Variants in CEP350 observed in about 807,000 individuals in gnomAD.
CEP350 encodes centrosomal protein 350.
Under a neutral mutation model 331.8 loss-of-function variants are expected in CEP350, and 126 were observed. The observed-to-expected ratio is 0.38, with a 90% confidence interval of 0.33 to 0.44. The LOEUF is 0.44. Ranked by LOEUF, CEP350 falls within the 20% of genes least tolerant of loss-of-function variation. The pLI, the probability that CEP350 is intolerant of heterozygous loss-of-function variation, is 1.00. For synonymous variants in CEP350, 1,200 were observed against 1,259.5 expected (o/e 0.95, Z 1.00); for missense variants, 3,406 against 3,634.6 (o/e 0.94, Z 1.62).
chr1:180,106,178 A>G (rs1162470196), intron 37 of CEP350, among the ~76,000 whole-genome samples: 1 of 152,228 alleles, frequency 6.6e-6, no homozygotes, highest in Non-Finnish European at 1.5e-5. Context: ...TACTGTAGGT[A>G]GAATTGCACC....
chr1:180,099,067 G>C, intron 37 of CEP350, 82 bp downstream of exon 37: 1 of 1,352,140 alleles, frequency 7.4e-7, no homozygotes. Context: ...AAGGAAAAGG[G>C]ATAGACTTAT....
At chr1:180,088,180 A>G (rs143794045) in intron 32 of CEP350, among the ~76,000 whole-genome samples, 6 of 152,300 alleles carry the variant, frequency 3.9e-5, no homozygotes, top group African/African-American at 1.2e-4. Context: ...ATTGGAAACA[A>G]TTTTTATGGC....
chr1:179,998,765 T>G (rs1558088824), intron 6 of CEP350, among the ~76,000 whole-genome samples: 1 of 152,158 alleles, frequency 6.6e-6, no homozygotes, highest in Non-Finnish European at 1.5e-5. Flanking sequence ...CTAAAACACA[T>G]CTACTGCATA....
In CEP350 at chr1:180,084,148, C is replaced by G. The variant is rs757652068; in HGVS notation, c.6255C>G (p.Ala2085=). The change falls in exon 31 of 38, where the codon GCC becomes GCG. Residue 2085 remains alanine, a synonymous_variant. Coordinates refer to ENST00000367607, the MANE Select transcript of CEP350 (RefSeq NM_014810.5). ...AAAGGCAAAAGGAAAGACTGAAAGC[C>G]CAAGAAGCCAGTCTGATCAAGCAGT... ...QKKRQKERLK[A]QEASLIKQLE... is the part of the protein sequence containing the mutation. 5 of 1,586,138 alleles carry G rather than the reference C, an allele frequency of 3.2e-6. No individual in the cohort carries two copies. In the East Asian group the frequency reaches 9.1e-5, roughly 29 times the overall value.
chr1:180,048,308 A>G (rs575847849), intron 21 of CEP350, among the ~76,000 whole-genome samples: 4 of 152,256 alleles, frequency 2.6e-5, no homozygotes, highest in African/African-American at 7.2e-5. Context: ...AACACTGCCT[A>G]TTATTATTAT....
At chr1:180,070,380 TG>T (rs985527364) in intron 27 of CEP350, among the ~76,000 whole-genome samples, 26 of 152,172 alleles carry the variant, frequency 1.7e-4, no homozygotes, top group Non-Finnish European at 2.9e-5. Context: ...ATCAGCTCGG[TG>T]GGCAACAAAA....
At chr1:180,090,962 T>C (rs993185142) in intron 33 of CEP350, among the ~76,000 whole-genome samples, 166 bp downstream of exon 33, 1 of 152,162 alleles carries the variant, frequency 6.6e-6, no homozygotes, top group Non-Finnish European at 1.5e-5. Context: ...ATTTATTGGC[T>C]ATGTGTAAAT....
intron 13 of CEP350, 46 bp from the exon 14 acceptor site, chr1:180,024,373 T>C: frequency 2.0e-6 from 3 of 1,536,114 alleles, no homozygotes; most frequent in Non-Finnish European, 2.7e-6. Context: ...TTAGCTGTGT[T>C]GTAAGACTTT....
chr1:180,063,734 G>A (rs1658382498), intron 26 of CEP350, among the ~76,000 whole-genome samples: 1 of 152,008 alleles, frequency 6.6e-6, no homozygotes, highest in Non-Finnish European at 1.5e-5. Context: ...GATTGCTTCA[G>A]CCTAGCAGGC....
At chr1:179,969,587 A>T in intron 1 of CEP350, 1 of 320,050 alleles carries the variant, frequency 3.1e-6, no homozygotes, top group South Asian at 2.6e-5. Context: ...TAAAAAAGAC[A>T]AAAACAAATT....
chr1:180,077,745 T>C (rs1034254423), intron 28 of CEP350, among the ~76,000 whole-genome samples: 14 of 150,240 alleles, frequency 9.3e-5, no homozygotes, highest in Non-Finnish European at 1.3e-4. Context: ...TCATAAGATA[T>C]TAATTCTCCT....
At chr1:180,102,826 CTTAAGCAGTTTG>C (rs2149174371) in intron 37 of CEP350, among the ~76,000 whole-genome samples, 1 of 152,278 alleles carries the variant, frequency 6.6e-6, no homozygotes, top group Non-Finnish European at 1.5e-5. Flanking sequence ...GCTCTTTTTA[CTTAAGCAGTTTG>C]AAGATATCTC....
chr1:179,960,995 A>G (rs995670749), intron 1 of CEP350, among the ~76,000 whole-genome samples: 1 of 152,052 alleles, frequency 6.6e-6, no homozygotes, highest in Non-Finnish European at 1.5e-5. Context: ...TGACCAGGAC[A>G]CCTATATATA....
chr1:180,047,569 C>T (rs111449361), intron 21 of CEP350, among the ~76,000 whole-genome samples: 5,567 of 151,258 alleles, frequency 0.037, 192 homozygotes, highest in African/African-American at 0.076. Flanking sequence ...TCAGCCTGGC[C>T]AACATAGCGA....
intron 17 of CEP350, among the ~76,000 whole-genome samples, chr1:180,037,983 A>G (rs1002522521): frequency 6.6e-5 from 10 of 152,088 alleles, no homozygotes; most frequent in African/African-American, 1.4e-4. Flanking sequence ...GTATATACCT[A>G]TGTAAGAACC....
chr1:180,040,648 AT>A (rs947451508), intron 17 of CEP350, among the ~76,000 whole-genome samples: 26 of 127,522 alleles, frequency 2.0e-4, no homozygotes, highest in Admixed American at 3.7e-4. Context: ...GAAAAAAAAA[AT>A]ATATATATAT....
chr1:180,073,526 TAAATTTAACTGA>T (rs777049101), intron 27 of CEP350, among the ~76,000 whole-genome samples: 12 of 152,188 alleles, frequency 7.9e-5, no homozygotes, highest in Non-Finnish European at 1.6e-4. Flanking sequence ...TACAAATAAG[TAAATTTAACTGA>T]AAATATAGAT....
chr1:180,074,872 T>C, intron 27 of CEP350, 150 bp from the exon 28 acceptor site: 1 of 575,790 alleles, frequency 1.7e-6, no homozygotes, highest in East Asian at 3.0e-5. Flanking sequence ...TGAAAGCTTC[T>C]ATTATCTCAA....
intron 36 of CEP350, 128 bp downstream of exon 36, chr1:180,096,312 T>G (rs1660476465): frequency 1.0e-6 from 1 of 985,764 alleles, no homozygotes; most frequent in Non-Finnish European, 1.4e-6. Flanking sequence ...TGTTCCATAG[T>G]GGGTATTCAA....
Sources: allele counts gnomAD v4.1 joint callset (sites outside exome capture counted in the v4.1 genomes callset), GRCh38; gene constraint gnomAD v4.1.1; transcripts MANE v1.5; gene names NCBI Gene and HGNC (gene_info 2026-07-23, HGNC 2026-07-21).